The following PRUNE2 variants were observed in gnomAD, a reference collection of about 807,000 sequenced individuals.
PRUNE2 encodes prune homolog 2 with BCH domain, also known as protein prune homolog 2.
PRUNE2 carries 164 observed loss-of-function variants against 252.0 expected under a neutral mutation model. That is an observed-to-expected ratio of 0.65 (90% confidence interval 0.57 to 0.74). The LOEUF is 0.74. Among genes scored for constraint, PRUNE2 ranks in the 30% least tolerant of loss-of-function variants. The pLI, the probability that PRUNE2 is intolerant of heterozygous loss-of-function variation, is 0.00. For synonymous variants in PRUNE2, 1,292 were observed against 1,350.2 expected, an observed-to-expected ratio of 0.96 and a Z score of 0.94; for missense variants, 3,495 against 3,711.0, an observed-to-expected ratio of 0.94 and a Z score of 1.51.
intron 6 of PRUNE2, among the ~76,000 whole-genome samples, chr9:76,818,927 AT>A (rs1362566012): frequency 6.6e-6 from 1 of 152,138 alleles, no homozygotes; most frequent in Non-Finnish European, 1.5e-5. Context: ...ATGTGACCTT[AT>A]TTGGAAATAG....
At chr9:76,877,621 C>T (rs1159318626) in intron 1 of PRUNE2, among the ~76,000 whole-genome samples, 2 of 152,102 alleles carry the variant, frequency 1.3e-5, no homozygotes, top group Non-Finnish European at 2.9e-5. Context: ...CAAAAGTGAT[C>T]CCCCCAGCTG....
At chr9:76,798,261 C>A (rs540967279) in intron 6 of PRUNE2, among the ~76,000 whole-genome samples, 5 of 152,276 alleles carry the variant, frequency 3.3e-5, no homozygotes, top group Admixed American at 3.3e-4. Context: ...TAAAATGAAA[C>A]TCAATATCCA....
intron 9 of PRUNE2, among the ~76,000 whole-genome samples, chr9:76,694,007 G>A (rs568041910): frequency 1.3e-5 from 2 of 152,230 alleles, no homozygotes; most frequent in South Asian, 2.1e-4. Context: ...AAATAACTTC[G>A]GAGCTGGTTG....
chr9:76,700,978 C>A (rs192897418), intron 9 of PRUNE2, among the ~76,000 whole-genome samples: 1 of 152,222 alleles, frequency 6.6e-6, no homozygotes, highest in South Asian at 2.1e-4. Flanking sequence ...TTAAATATTA[C>A]ACTGCTATCT....
rs778662293 is a variant in PRUNE2 at position 76,705,848 on chromosome 9, A to T, written c.6426T>A (p.Asp2142Glu). ...GTCCAGGCTCATAAATGGGTTCTTC[A>T]TCTATCTCTGGCTCAGTGAGACAAA... The part of the protein sequence containing the change: ...SELCLTEPEI[D>E]EEPIYEPGRE... The change falls in exon 8 of 19, where the codon GAT becomes GAA. Residue 2142 changes from aspartate to glutamate, a missense_variant. Asp to Glu is a conservative substitution (Grantham distance 45, BLOSUM62 2). Coordinates refer to ENST00000376718, the MANE Select transcript of PRUNE2 (RefSeq NM_015225.3). The T allele has an allele frequency of 6.2e-7, 1 of 1,613,660 alleles. No individual in the cohort carries two copies. Among genetic ancestry groups the T allele is most frequent in the Non-Finnish European group, 8.5e-7 (1 of 1,179,896 alleles).
intron 1 of PRUNE2, among the ~76,000 whole-genome samples, chr9:76,891,875 A>G (rs1294687438): frequency 6.6e-6 from 1 of 152,196 alleles, no homozygotes; most frequent in Non-Finnish European, 1.5e-5. Context: ...CATTTGTGAC[A>G]TAAATATAAT....
chr9:76,769,667 C>T (rs983290337), intron 6 of PRUNE2, among the ~76,000 whole-genome samples: 6 of 152,116 alleles, frequency 3.9e-5, no homozygotes, highest in African/African-American at 9.7e-5. Context: ...TCAGGTGATC[C>T]GCCCGCCTCA....
At chr9:76,794,293 G>T (rs2055838548) in intron 6 of PRUNE2, among the ~76,000 whole-genome samples, 1 of 152,190 alleles carries the variant, frequency 6.6e-6, no homozygotes, top group Non-Finnish European at 1.5e-5. Flanking sequence ...GCCTCAGGAG[G>T]TATCTGGAGG....
At chr9:76,660,883 G>A (rs1269873628) in intron 9 of PRUNE2, among the ~76,000 whole-genome samples, 1 of 151,592 alleles carries the variant, frequency 6.6e-6, no homozygotes, top group African/African-American at 2.4e-5. Flanking sequence ...CCAATTAGGT[G>A]CAAGAAAAAA....
Position 76,867,509 on chromosome 9 carries a change from G to A in PRUNE2, c.37-13301C>T, listed in dbSNP as rs150938162. Reference sequence around the variant, plus strand: ...GATTCAGTATCAGAAAAAATGACTGGAGGAAAAGTAAGGACTGAGAGCCCT... The same window carrying A: ...GATTCAGTATCAGAAAAAATGACTGAAGGAAAAGTAAGGACTGAGAGCCCT... On this transcript the variant is annotated intron_variant, in intron 1 of 18. Transcript: ENST00000376718. Among the ~76,000 whole-genome samples the A allele has an allele frequency of 2.1e-3, 318 of 152,230 alleles. 2 individuals are homozygous for A. Among genetic ancestry groups the A allele is most frequent in the African/African-American group, 6.7e-3 (277 of 41,544 alleles).
chr9:76,817,963 G>A (rs2131855038), intron 6 of PRUNE2: 1 of 152,256 alleles, frequency 6.6e-6, no homozygotes, highest in African/African-American at 2.4e-5. Context: ...ATTTCTATTA[G>A]TTGGGCAAAA....
chr9:76,747,324 A>G (rs1182454122), intron 6 of PRUNE2, among the ~76,000 whole-genome samples: 1 of 152,180 alleles, frequency 6.6e-6, no homozygotes, highest in Non-Finnish European at 1.5e-5. Context: ...TTCTGTCTTT[A>G]AAACCAGAGT....
At chr9:76,845,579 C>T (rs1266205122) in intron 4 of PRUNE2, among the ~76,000 whole-genome samples, 1 of 152,208 alleles carries the variant, frequency 6.6e-6, no homozygotes, top group Non-Finnish European at 1.5e-5. Context: ...AAGAATTATA[C>T]ACTTCTTGGA....
intron 6 of PRUNE2, among the ~76,000 whole-genome samples, chr9:76,767,365 A>C (rs674941): frequency 0.47 from 70,786 of 151,616 alleles, 17,088 homozygotes; most frequent in East Asian, 0.67. Flanking sequence ...GCAGGAGAAT[A>C]GCTTGAACTC....
intron 6 of PRUNE2, among the ~76,000 whole-genome samples, chr9:76,809,167 C>G (rs184272302): frequency 6.6e-6 from 1 of 152,308 alleles, no homozygotes; most frequent in Non-Finnish European, 1.5e-5. Context: ...ATCTACCTCC[C>G]CTTCCCAAAT....
rs114944586 is a variant in PRUNE2, at chr9:76,705,907, C to T, written c.6367G>A (p.Ala2123Thr). 1.1e-3 allele frequency: 1,760 copies of T among 1,613,910 alleles called. 19 individuals are homozygous for T. In the African/African-American group the frequency reaches 0.02, roughly 19 times the overall value. The stretch of plus-strand genomic sequence containing the variant: ...GATTCCACTTCAGGTCCCATGCAAG[C>T]ACTGAGGTGCTTCTCAGTCTCTTGC... ...AKQETEKHLS[A>T]CMGPEVESSE... The change falls in exon 8 of 19, where the codon GCT (alanine) becomes ACT (threonine). Residue 2123 changes from alanine to threonine, a missense_variant. Transcript: ENST00000376718.
chr9:76,791,023 A>G (rs1228338162), intron 6 of PRUNE2, among the ~76,000 whole-genome samples: 1 of 152,226 alleles, frequency 6.6e-6, no homozygotes, highest in Non-Finnish European at 1.5e-5. Flanking sequence ...TGAAATCTAA[A>G]ATAGTCAAAC....
At chr9:76,671,473 C>T (rs1304065883) in intron 9 of PRUNE2, among the ~76,000 whole-genome samples, 2 of 151,838 alleles carry the variant, frequency 1.3e-5, no homozygotes, top group Non-Finnish European at 2.9e-5. Flanking sequence ...AGTTGGAAAA[C>T]ACTCTGCAGG....
At chr9:76,717,913 A>C (rs975481222) in intron 6 of PRUNE2, among the ~76,000 whole-genome samples, 1 of 152,172 alleles carries the variant, frequency 6.6e-6, no homozygotes, top group African/African-American at 2.4e-5. Flanking sequence ...TTGTTGTCTG[A>C]GTAATTTCTA....
Sources: allele counts gnomAD v4.1 joint callset (sites outside exome capture counted in the v4.1 genomes callset), GRCh38; gene constraint gnomAD v4.1.1; transcripts MANE v1.5; gene names NCBI Gene and HGNC (gene_info 2026-07-23, HGNC 2026-07-21).